The following ITGA2 variants were observed in gnomAD, a reference collection of about 807,000 sequenced individuals.
The protein encoded by ITGA2 is integrin subunit alpha 2, also known as integrin alpha-2.
In ITGA2, 101 loss-of-function variants were observed where a neutral mutation model predicts 146.3. The observed-to-expected ratio is 0.69, with a 90% CI of 0.59 to 0.81. The LOEUF (loss-of-function observed/expected upper bound fraction) is 0.81. ITGA2 is among the 40% of genes least tolerant of loss of function. ITGA2 has a pLI of 0.00. For synonymous variants in ITGA2, 477 were observed against 487.1 expected, an observed-to-expected ratio of 0.98 and a Z score of 0.27; for missense variants, 1,281 against 1,402.7, an observed-to-expected ratio of 0.91 and a Z score of 1.39.
In ITGA2 at chr5:53,012,664, G is replaced by C. The variant is rs941789221; in HGVS notation, c.65-14084G>C. ...ATGATAATTGTGTTTTAAGTTCTTT[G>C]AGAAGTCACCAAACTGCTTTCCACA... On this transcript the variant is annotated intron_variant, in intron 1 of 29. Coordinates refer to ENST00000296585, the MANE Select transcript of ITGA2 (RefSeq NM_002203.4). Among the ~76,000 whole-genome samples the C allele has an allele frequency of 3.3e-5, 5 of 152,220 alleles. No individual in the cohort carries two copies. In the South Asian group the frequency reaches 6.2e-4, roughly 19 times the overall value.
At chr5:53,077,634 A>G (rs1043092268) in intron 23 of ITGA2, among the ~76,000 whole-genome samples, 2 of 152,094 alleles carry the variant, frequency 1.3e-5, no homozygotes, top group African/African-American at 4.8e-5. Context: ...TTCTGTTTCA[A>G]ATCCTAGTCA....
Position 53,065,921 on chromosome 5 carries a change from T to C in ITGA2, c.1887T>C (p.Asn629=), listed in dbSNP as rs749808717. Residue 629 remains asparagine (N), a synonymous_variant, in exon 15 of 30, where the codon AAT becomes AAC. Coordinates refer to ENST00000296585, the MANE Select transcript of ITGA2 (RefSeq NM_002203.4). The part of the protein sequence containing the change: ...GRSLDGYGDL[N]GDSITDVSIG... ...CCTTGGATGGCTATGGAGATTTAAA[T>C]GGGGATTCCATCACCGATGTGTCTA... 4 of 1,612,118 alleles carry C rather than the reference T, an allele frequency of 2.5e-6. No homozygotes were observed. Among genetic ancestry groups the C allele is most frequent in the South Asian group, 1.1e-5 (1 of 91,062 alleles).
Position 53,093,553 on chromosome 5 carries a change from C to G in ITGA2, c.*2954C>G, listed in dbSNP as rs1046301202. On this transcript the variant is annotated 3_prime_UTR_variant, in exon 30 of 30. Coordinates refer to ENST00000296585, the MANE Select transcript of ITGA2 (RefSeq NM_002203.4). ...ATGCTCCCCCCGCAGTCATGACAAT[C>G]AAAAAATGTCTCCAGACATTGTCAA... 2.0e-5 allele frequency: 3 copies of G among 152,084 alleles called. No individual in the cohort carries two copies. The highest frequency in any genetic ancestry group is 2.0e-4 in the Admixed American group (3 of 15,268). 9.4% of individuals were successfully genotyped at this position (152,084 alleles called of 1,614,324 possible).
intron 6 of ITGA2, among the ~76,000 whole-genome samples, chr5:53,049,856 A>G (rs1245812008): frequency 6.6e-6 from 1 of 152,120 alleles, no homozygotes; most frequent in Admixed American, 6.5e-5. Context: ...CAAATTGTTG[A>G]CATATTTTTC....
rs3212614 is a variant in ITGA2 at position 53,080,694 on chromosome 5, G to A, written c.3039+73G>A. 2,277 of 1,102,734 alleles carry A rather than the reference G, an allele frequency of 2.1e-3. 24 individuals are homozygous for A. In the African/African-American group the frequency reaches 0.025, roughly 12 times the overall value. The allele number at this position is 1,102,734 out of a possible 1,614,324, so 68.3% of individuals were successfully genotyped here. On this transcript the variant is annotated intron_variant, in intron 25 of 29. Coordinates refer to ENST00000296585, the MANE Select transcript of ITGA2 (RefSeq NM_002203.4). ...TAACCCATGAGATTAGGGTGATCAT[G>A]TCTGACATTTTACAGATGGGAAACA...
chr5:53,016,240 C>A (rs1742394792), intron 1 of ITGA2, among the ~76,000 whole-genome samples: 1 of 152,158 alleles, frequency 6.6e-6, no homozygotes, highest in Non-Finnish European at 1.5e-5. Context: ...CTTTCCATAT[C>A]TAGCACCCCC....
At chr5:53,051,614 TG>T in intron 7 of ITGA2, 55 bp downstream of exon 7, 10 of 1,527,360 alleles carry the variant, frequency 6.5e-6, no homozygotes, top group Non-Finnish European at 9.0e-6. Context: ...ATTATATTTA[TG>T]TAATAAATAT....
rs746214872 is a variant in ITGA2, at chr5:53,070,092, GA to G, written c.2084-16del. On this transcript the variant is annotated splice_polypyrimidine_tract_variant and intron_variant, in intron 16 of 29. Transcript: ENST00000296585. Reference sequence around the variant, plus strand: ...TTGATTTGAAATAACATTTCTTTATGATTTTTTTTATCATAGCCATTGTATA... The same window carrying G: ...TTGATTTGAAATAACATTTCTTTATGTTTTTTTTATCATAGCCATTGTATA... 1.4e-5 allele frequency: 22 copies of G among 1,553,476 alleles called. No homozygotes were observed. The highest frequency in any genetic ancestry group is 1.3e-4 in the African/African-American group (9 of 70,302).
At chr5:53,024,469 T>C (rs1181711540) in intron 1 of ITGA2, among the ~76,000 whole-genome samples, 3 of 152,276 alleles carry the variant, frequency 2.0e-5, no homozygotes, top group Middle Eastern at 3.4e-3. Flanking sequence ...TCCTAGGTGC[T>C]GAGAAAGTAA....
chr5:53,055,196 A>C (rs1744573374), intron 7 of ITGA2, among the ~76,000 whole-genome samples: 1 of 152,078 alleles, frequency 6.6e-6, no homozygotes, highest in African/African-American at 2.4e-5. Context: ...TAATGCATAA[A>C]ATTTATAACA....
chr5:53,006,479 G>A (rs970228727), intron 1 of ITGA2, among the ~76,000 whole-genome samples: 5 of 152,138 alleles, frequency 3.3e-5, no homozygotes, highest in Non-Finnish European at 7.4e-5. Context: ...GTATATACCT[G>A]CACAGTAGCC....
intron 6 of ITGA2, among the ~76,000 whole-genome samples, chr5:53,050,585 A>T (rs908265941): frequency 4.6e-5 from 7 of 152,004 alleles, no homozygotes; most frequent in African/African-American, 1.7e-4. Flanking sequence ...TTACATACTG[A>T]CCTGTATTTC....
chr5:53,074,993 T>A (rs1482357968), intron 21 of ITGA2, 68 bp from the exon 22 acceptor site: 11 of 850,426 alleles, frequency 1.3e-5, no homozygotes, highest in African/African-American at 1.7e-5. Context: ...ATGAGAAACA[T>A]TTTTTTTTTC....
At chr5:52,999,273 G>A (rs1003168884) in intron 1 of ITGA2, among the ~76,000 whole-genome samples, 9 of 151,972 alleles carry the variant, frequency 5.9e-5, no homozygotes, top group African/African-American at 2.2e-4. Context: ...CTCAGAAAAT[G>A]ATGTATTAAA....
chr5:53,044,887 G>T, intron 3 of ITGA2, 114 bp from the exon 4 acceptor site: 1 of 748,942 alleles, frequency 1.3e-6, no homozygotes. Context: ...TACCTATATT[G>T]ATGACACTAA....
Position 53,068,472 on chromosome 5 carries a change from C to T in ITGA2, c.2083+1215C>T, listed in dbSNP as rs1014732156. ...GCAAACTGGTCAGCTCTTCTGGCCC[C>T]GAAGCATAGAGGTGTCTCATGTATC... On this transcript the variant is annotated intron_variant, in intron 16 of 29. Transcript: ENST00000296585. 5.9e-5 allele frequency among the ~76,000 whole-genome samples: 9 copies of T among 151,850 alleles called. 1 individual carries two copies. The highest frequency in any genetic ancestry group is 5.3e-4 in the Admixed American group (8 of 15,208).
intron 1 of ITGA2, among the ~76,000 whole-genome samples, chr5:53,008,259 A>G (rs536183716): frequency 6.6e-6 from 1 of 150,742 alleles, no homozygotes; most frequent in African/African-American, 2.4e-5. Context: ...ATGTCCTCAC[A>G]TCACCTTTCC....
intron 1 of ITGA2, among the ~76,000 whole-genome samples, chr5:53,018,503 GC>G (rs1270679174): frequency 2.6e-5 from 4 of 151,858 alleles, no homozygotes; most frequent in Non-Finnish European, 5.9e-5. Context: ...TCCCCCTTCA[GC>G]CCAGCATCCG....
intron 16 of ITGA2, among the ~76,000 whole-genome samples, chr5:53,068,871 G>GA (rs576141306): frequency 1.3e-3 from 187 of 147,232 alleles, no homozygotes; most frequent in South Asian, 0.011. Flanking sequence ...AAAGCTGCTT[G>GA]AAAAAAAAAG....
Sources: allele counts gnomAD v4.1 joint callset (sites outside exome capture counted in the v4.1 genomes callset), GRCh38; gene constraint gnomAD v4.1.1; transcripts MANE v1.5; gene names NCBI Gene and HGNC (gene_info 2026-07-23, HGNC 2026-07-21).